Variants in ZNF568 observed in about 807,000 individuals in gnomAD.
ZNF568 encodes the protein zinc finger protein 568.
Under a neutral mutation model 18.1 loss-of-function variants are expected in ZNF568, and 11 were observed. The ratio of observed to expected loss-of-function variants is 0.61; its 90% CI spans 0.38 to 1.00. The LOEUF (loss-of-function observed/expected upper bound fraction) is 1.00. Ranked by LOEUF, ZNF568 falls within the 50% of genes least tolerant of loss-of-function variation. ZNF568 has a pLI of 0.01. For missense variants in ZNF568, 639 were observed against 768.2 expected (o/e 0.83, Z 1.99); for synonymous variants, 213 against 246.6 (o/e 0.86, Z 1.28).
intron 6 of ZNF568, among the ~76,000 whole-genome samples, chr19:36,944,135 A>G (rs1174377992): frequency 6.6e-6 from 1 of 151,348 alleles, no homozygotes; most frequent in Admixed American, 6.6e-5. Context: ...ACGGTGGCTC[A>G]TGACTGTAAT....
chr19:36,996,263 T>C, intron 4 of ZNF568: 1 of 1,326,640 alleles, frequency 7.5e-7, no homozygotes. Flanking sequence ...TCAGGACTTT[T>C]CTTTGTCCTG....
intron 6 of ZNF568, among the ~76,000 whole-genome samples, chr19:36,968,276 T>C (rs2074209211): frequency 6.6e-6 from 1 of 152,062 alleles, no homozygotes; most frequent in African/African-American, 2.4e-5. Flanking sequence ...ATATACCTTA[T>C]ATTAAATATG....
chr19:36,949,702 GGGTTTGGAACA>G lies in ZNF568; in HGVS notation c.550_560del (p.Gly184Ter). 6.2e-7 allele frequency: 1 copy of G among 1,613,848 alleles called. No homozygotes were observed. The highest frequency in any genetic ancestry group is 8.5e-7 in the Non-Finnish European group (1 of 1,179,854). On this transcript the variant is annotated frameshift_variant, in exon 7 of 7. Coordinates refer to ENST00000333987, the MANE Select transcript of ZNF568 (RefSeq NM_198539.4). LOFTEE classifies it low-confidence loss of function (END_TRUNC). The stretch of plus-strand genomic sequence containing the variant: ...TCTATGACTGTGACTCACTTGATAA[GGGTTTGGAACA>G]TAATTTAGACTTACTTAGATATGAG...
downstream of ZNF568, among the ~76,000 whole-genome samples, chr19:36,957,468 G>T (rs998143875): frequency 1.3e-5 from 2 of 152,032 alleles, no homozygotes; most frequent in African/African-American, 2.4e-5. Flanking sequence ...CTGACCTCAG[G>T]TGATCCGCCT....
At position 36,939,532 on chromosome 19, in the gene ZNF568, C is replaced by CTTTTTTTTTT. The variant is rs386388962; in HGVS notation, c.358+2306_358+2315dup. Among the ~76,000 whole-genome samples, 52 of 93,066 alleles carry CTTTTTTTTTT rather than the reference C, an allele frequency of 5.6e-4. 3 individuals carry two copies. The highest frequency in any genetic ancestry group is 3.8e-3 in the East Asian group (10 of 2,654). 61.1% of individuals were successfully genotyped at this position (93,066 alleles called of 152,430 possible). A position where few individuals can be genotyped will look rare whatever the true frequency, so the allele number is the denominator to read the frequency against. On this transcript the variant is annotated intron_variant, in intron 6 of 6. Coordinates refer to ENST00000333987, the MANE Select transcript of ZNF568 (RefSeq NM_198539.4). ...GGTTCATTGAAGATGTATTTTCTTT[C>CTTTTTTTTTT]TTTTTTTTTTTTTTTTTTTTTTTTT...
chr19:36,992,242 CA>C (rs66941480), intron 4 of ZNF568, among the ~76,000 whole-genome samples: 3,684 of 117,898 alleles, frequency 0.031, 55 homozygotes, highest in Non-Finnish European at 0.046. Flanking sequence ...GACTCCGTCT[CA>C]AAAAAAAAAA....
chr19:36,921,738 A>G (rs1367883888), intron 2 of ZNF568, among the ~76,000 whole-genome samples: 1 of 152,182 alleles, frequency 6.6e-6, no homozygotes, highest in East Asian at 1.9e-4. Context: ...CATGAGTATA[A>G]TTGTCATTTC....
At chr19:36,941,233 G>A (rs1160122813) in intron 6 of ZNF568, among the ~76,000 whole-genome samples, 2 of 152,174 alleles carry the variant, frequency 1.3e-5, no homozygotes, top group Non-Finnish European at 2.9e-5. Flanking sequence ...CTCCAGGGGC[G>A]TGGAAAACCA....
At chr19:36,943,108 TC>T (rs2073910633) in intron 6 of ZNF568, among the ~76,000 whole-genome samples, 1 of 152,232 alleles carries the variant, frequency 6.6e-6, no homozygotes, top group South Asian at 2.1e-4. Context: ...CTGGCTTTAT[TC>T]AATGCAGATT....
chr19:36,996,377 G>A, exon 5 of ZNF568: 1 of 1,535,650 alleles, frequency 6.5e-7, no homozygotes. Context: ...TATGAAATTA[G>A]ATCACCACAA....
chr19:36,921,697 C>A (rs1325195460), intron 2 of ZNF568, among the ~76,000 whole-genome samples: 6 of 151,946 alleles, frequency 3.9e-5, no homozygotes, highest in Admixed American at 2.0e-4. Context: ...TTTTAATAGT[C>A]ATTTCGTATA....
At chr19:36,978,970 T>C (rs1241388417) in intron 7 of ZNF568, 2 of 363,588 alleles carry the variant, frequency 5.5e-6, no homozygotes, top group Non-Finnish European at 1.1e-5. Flanking sequence ...TTTCATACTA[T>C]ATTGTAACTA....
At chr19:36,987,822 C>CTGTGTGTG (rs56000710) in intron 2 of ZNF568, among the ~76,000 whole-genome samples, 70 of 146,418 alleles carry the variant, frequency 4.8e-4, no homozygotes, top group East Asian at 1.7e-3. Flanking sequence ...AACACAGACT[C>CTGTGTGTG]TGTGTGTGTG....
intron 6 of ZNF568, among the ~76,000 whole-genome samples, chr19:36,946,282 A>G (rs1052111470): frequency 3.3e-5 from 5 of 151,956 alleles, no homozygotes; most frequent in Non-Finnish European, 7.4e-5. Context: ...TACCACAATC[A>G]CTTCTCCTTT....
intron 7 of ZNF568, among the ~76,000 whole-genome samples, chr19:36,978,533 C>T (rs978853102): frequency 2.0e-5 from 3 of 152,070 alleles, no homozygotes; most frequent in African/African-American, 7.2e-5. Flanking sequence ...TTTCTAAGTC[C>T]CAGTTAATCT....
At chr19:36,981,261 G>C (rs148777141), downstream of ZNF568, among the ~76,000 whole-genome samples, 2,442 of 152,284 alleles carry the variant, frequency 0.016, 25 homozygotes, top group Non-Finnish European at 0.025. Context: ...TAAGTCACAT[G>C]CCTCTACTAT....
chr19:36,997,678 A>G, downstream of ZNF568: 1 of 1,048,474 alleles, frequency 9.5e-7, no homozygotes, highest in South Asian at 1.4e-5. Context: ...CTCACACCTT[A>G]GTCAACATCA....
Position 36,950,624 on chromosome 19 carries a change from C to G in ZNF568, c.1471C>G (p.Arg491Gly). ...KAFIQMSNLI[R>G]HQRIHTGEKP... ...TTTTATTCAGATGTCAAACCTCATT[C>G]GACACCAGAGAATTCATACGGGTGA... The change falls in exon 7 of 7, where the codon CGA (arginine) becomes GGA (glycine). Residue 491 changes from arginine (R) to glycine (G), a missense_variant. Arg to Gly is a moderately radical substitution (Grantham distance 125). Coordinates refer to ENST00000333987, the MANE Select transcript of ZNF568 (RefSeq NM_198539.4). The G allele has an allele frequency of 6.2e-7, 1 of 1,613,252 alleles. No individual in the cohort carries two copies. Among genetic ancestry groups the G allele is most frequent in the Non-Finnish European group, 8.5e-7 (1 of 1,179,742 alleles).
chr19:36,990,078 T>C (rs983027094), intron 2 of ZNF568, among the ~76,000 whole-genome samples: 1 of 152,236 alleles, frequency 6.6e-6, no homozygotes, highest in Non-Finnish European at 1.5e-5. Context: ...TCTAGCTGTC[T>C]GAGGATTTTA....
Sources: allele counts gnomAD v4.1 joint callset (sites outside exome capture counted in the v4.1 genomes callset), GRCh38; gene constraint gnomAD v4.1.1; transcripts MANE v1.5; gene names NCBI Gene and HGNC (gene_info 2026-07-23, HGNC 2026-07-21).